The following ECI2 variants were observed in gnomAD, a reference collection of about 807,000 sequenced individuals.
ECI2 encodes the protein D3,D2-enoyl-CoA isomerase.
ECI2 carries 27 observed loss-of-function variants against 38.4 expected under a neutral mutation model. That is an observed-to-expected ratio of 0.70 (90% CI 0.52 to 0.97). ECI2 has a LOEUF of 0.97. Among genes scored for constraint, ECI2 ranks in the 50% least tolerant of loss-of-function variants. ECI2 has a pLI of 0.00. For synonymous variants in ECI2, 168 were observed against 172.0 expected, an observed-to-expected ratio of 0.98 and a Z score of 0.18; for missense variants, 470 against 474.4, an observed-to-expected ratio of 0.99 and a Z score of 0.09.
rs1296439326 is a variant in ECI2 at position 4,117,540 on chromosome 6, T to C, written c.886-89A>G. On this transcript the variant is annotated intron_variant, in intron 8 of 9. Transcript: ENST00000380118. ...TGCTTTCAGGAGGCTTAGAGAGATG[T>C]ACTCATGGTCTTTTGAGGTTGCTGG... is the stretch of plus-strand genomic sequence containing the variant. The C allele has an allele frequency of 2.0e-6, 3 of 1,511,528 alleles. No homozygotes were observed. In the African/African-American group the frequency reaches 4.2e-5, roughly 21 times the overall value. The allele number at this position is 1,511,528 out of a possible 1,614,324, so 93.6% of individuals were successfully genotyped here.
intron 1 of ECI2, 195 bp downstream of exon 1, chr6:4,135,316 C>G: frequency 6.9e-7 from 1 of 1,446,254 alleles, no homozygotes; most frequent in South Asian, 1.3e-5. Context: ...CCTGACCACT[C>G]CGGGCCCAGC....
Position 4,115,860 on chromosome 6 carries a change from T to C in ECI2, c.*14A>G. On this transcript the variant is annotated 3_prime_UTR_variant, in exon 10 of 10. Transcript: ENST00000380118. ...ATCCTTCCTTGGACATGCTTTACTC[T>C]GCTGTAGTGGTCATCACAGTTTTGA... 1 of 1,605,914 alleles carries C rather than the reference T, an allele frequency of 6.2e-7. No homozygotes were observed. Among genetic ancestry groups the C allele is most frequent in the South Asian group, 1.1e-5 (1 of 89,056 alleles).
In ECI2 at chr6:4,130,842, C is replaced by A. The variant is rs1773473123; in HGVS notation, c.237G>T (p.Met79Ile). Residue 79 changes from methionine to isoleucine, a missense_variant, in exon 3 of 10, where the codon ATG becomes ATT. Physicochemically the swap from Met to Ile is conservative, Grantham distance 10 (BLOSUM62 1). Transcript: ENST00000380118. ...TCAAGTCAAATACACCTGGTTTGGG[C>A]ATGTTACAAGGTCCTTCAGTGGCCT... is the stretch of plus-strand genomic sequence containing the variant. ...YKQATEGPCN[M>I]PKPGVFDLIN... 1 of 1,614,064 alleles carries A rather than the reference C, an allele frequency of 6.2e-7. No individual in the cohort carries two copies. Among genetic ancestry groups the A allele is most frequent in the African/African-American group, 1.3e-5 (1 of 74,928 alleles).
intron 9 of ECI2, among the ~76,000 whole-genome samples, chr6:4,116,456 T>C (rs201005698): frequency 2.3e-5 from 3 of 127,892 alleles, no homozygotes; most frequent in African/African-American, 8.8e-5. Context: ...TTTTTTTTTT[T>C]CTGAGACATA....
chr6:4,119,129 T>G, intron 8 of ECI2, 57 bp downstream of exon 8: 1 of 1,421,478 alleles, frequency 7.0e-7, no homozygotes, highest in Non-Finnish European at 9.8e-7. Context: ...GAGATTACTC[T>G]TCCTTCTTTC....
chr6:4,116,021 T>C lies in ECI2; in HGVS notation c.1038A>G (p.Arg346=), dbSNP rs1772240350. The change falls in exon 10 of 10, where the codon AGA becomes AGG. Residue 346 remains arginine (R), a synonymous_variant. Transcript: ENST00000380118. Reference sequence around the variant, plus strand: ...TTTTCCTGATTACCTCTTTTGAAATTCTCAAGGCCTGGAAAAACAAAACCA... The same window carrying C: ...TTTTCCTGATTACCTCTTTTGAAATCCTCAAGGCCTGGAAAAACAAAACCA... ...AFAKLPPNAL[R]ISKEVIRKRE... 1.2e-6 allele frequency: 2 copies of C among 1,612,774 alleles called. No homozygotes were observed. Among genetic ancestry groups the C allele is most frequent in the Non-Finnish European group, 1.7e-6 (2 of 1,179,528 alleles).
rs1012753901 is a variant in ECI2 at position 4,115,987 on chromosome 6, C to T, written c.1072G>A (p.Glu358Lys). ...TCAGCATTAACAGCGTGTAGTTTTT[C>T]TCTCTCTCTTTTCCTGATTACCTCT... ...SKEVIRKRER[E>K]KLHAVNAEEC... The change falls in exon 10 of 10, where the codon GAA (glutamate) becomes AAA (lysine). Residue 358 changes from glutamate (E) to lysine (K), a missense_variant. By Grantham distance (56) the Glu-to-Lys change is moderately conservative. Transcript: ENST00000380118. 3.7e-6 allele frequency: 6 copies of T among 1,613,544 alleles called. No homozygotes were observed. Among genetic ancestry groups the T allele is most frequent in the African/African-American group, 2.7e-5 (2 of 74,904 alleles).
At chr6:4,133,423 C>A in intron 2 of ECI2, 126 bp downstream of exon 2, 1 of 1,111,832 alleles carries the variant, frequency 9.0e-7, no homozygotes, top group Non-Finnish European at 1.3e-6. Flanking sequence ...CACACACACT[C>A]TTCAGAGAAG....
chr6:4,133,608 G>A lies in ECI2; in HGVS notation c.154C>T (p.Leu52Phe), dbSNP rs150560332. Residue 52 changes from leucine to phenylalanine, a missense_variant, in exon 2 of 10, where the codon CTC (leucine) becomes TTC (phenylalanine). By Grantham distance (22) the Leu-to-Phe change is conservative. Coordinates refer to ENST00000380118, the MANE Select transcript of ECI2 (RefSeq NM_206836.3). ...TCGTTTCCTGGATCCTTTTTCAAGA[G>A]TTTCACTTGATTCATTGAATTTTCA... is the stretch of plus-strand genomic sequence containing the variant. ...DFENSMNQVK[L>F]LKKDPGNEVK... 8.7e-6 allele frequency: 14 copies of A among 1,613,806 alleles called. No individual in the cohort carries two copies. In the African/African-American group the frequency reaches 1.6e-4, roughly 18 times the overall value.
chr6:4,125,360 C>G lies in ECI2; in HGVS notation c.685G>C (p.Gly229Arg). 6.2e-7 allele frequency: 1 copy of G among 1,614,068 alleles called. No homozygotes were observed. Among genetic ancestry groups the G allele is most frequent in the Non-Finnish European group, 8.5e-7 (1 of 1,180,020 alleles). ...GGCTTAGGAAAATCTATAAAACAGC[C>G]CACAAATTCCCTACAGAAATGGAAA... ...NNAVLLREFVGCFIDFPKPLI... is the reference protein window; with the variant it reads ...NNAVLLREFVRCFIDFPKPLI... The change falls in exon 7 of 10, where the codon GGC (glycine) becomes CGC (arginine). Residue 229 changes from glycine (G) to arginine (R), a missense_variant. Gly to Arg is a moderately radical substitution (Grantham distance 125). Transcript: ENST00000380118.
In ECI2 at chr6:4,130,810, T is replaced by G. The variant is rs761460792; in HGVS notation, c.269A>C (p.Lys90Thr). 1 of 1,614,234 alleles carries G rather than the reference T, an allele frequency of 6.2e-7. No homozygotes were observed. The highest frequency in any genetic ancestry group is 2.2e-5 in the East Asian group (1 of 44,886). ...PKPGVFDLIN[K>T]AKWDAWNALG... ...GGCATTCCATGCGTCCCATTTGGCCTTGTTGATCAAGTCAAATACACCTGG... is the reference window on the plus strand; with the variant it reads ...GGCATTCCATGCGTCCCATTTGGCCGTGTTGATCAAGTCAAATACACCTGG... Residue 90 changes from lysine (K) to threonine (T), a missense_variant, in exon 3 of 10, where the codon AAG becomes ACG. By Grantham distance (78) the Lys-to-Thr change is moderately conservative. Transcript: ENST00000380118.
At chr6:4,122,536 AT>A (rs1413665016) in intron 7 of ECI2, among the ~76,000 whole-genome samples, 1 of 148,152 alleles carries the variant, frequency 6.7e-6, no homozygotes, top group African/African-American at 2.5e-5. Context: ...TGTAAAACTT[AT>A]TTTTGCCACA....
intron 7 of ECI2, among the ~76,000 whole-genome samples, chr6:4,121,518 C>T (rs1012226405): frequency 3.3e-5 from 5 of 152,026 alleles, no homozygotes; most frequent in African/African-American, 1.2e-4. Context: ...GTGGATCTAT[C>T]GCTTTATAGA....
intron 7 of ECI2, among the ~76,000 whole-genome samples, chr6:4,119,919 GTA>G (rs1561649735): frequency 6.8e-6 from 1 of 147,922 alleles, no homozygotes; most frequent in African/African-American, 2.5e-5. Context: ...ATAGAATGCT[GTA>G]TAAGTGGAAT....
chr6:4,119,725 C>T (rs896198881), intron 7 of ECI2, among the ~76,000 whole-genome samples: 8 of 152,142 alleles, frequency 5.3e-5, no homozygotes, highest in African/African-American at 1.7e-4. Flanking sequence ...ACACAATTCA[C>T]CCTTTAAAAG....
chr6:4,119,131 C>A, intron 8 of ECI2, 55 bp downstream of exon 8: 1 of 1,433,582 alleles, frequency 7.0e-7, no homozygotes, highest in Non-Finnish European at 9.7e-7. Flanking sequence ...GATTACTCTT[C>A]CTTCTTTCTT....
chr6:4,121,972 C>A, intron 7 of ECI2: 1 of 1,582,520 alleles, frequency 6.3e-7, no homozygotes, highest in South Asian at 1.2e-5. Context: ...AAAAATGTAC[C>A]CAGAAGACAC....
chr6:4,121,106 A>G (rs1772715332), intron 7 of ECI2, among the ~76,000 whole-genome samples: 1 of 152,190 alleles, frequency 6.6e-6, no homozygotes, highest in Admixed American at 6.5e-5. Context: ...CCACATCCTC[A>G]CTAAACCTAG....
intron 7 of ECI2, among the ~76,000 whole-genome samples, 180 bp from the exon 8 acceptor site, chr6:4,119,455 C>T (rs1173324160): frequency 1.3e-5 from 2 of 151,982 alleles, no homozygotes; most frequent in Middle Eastern, 3.4e-3. Flanking sequence ...ACAGCAGCTA[C>T]GATTACAGGC....
Sources: gnomAD v4.1 joint callset for allele counts (sites outside exome capture counted in the v4.1 genomes callset) on GRCh38, gnomAD v4.1.1 for gene constraint, MANE v1.5 for transcripts, NCBI Gene and HGNC (gene_info 2026-07-23, HGNC 2026-07-21) for gene names.